Variants in TMEM107 observed in about 807,000 individuals in gnomAD.
TMEM107 encodes transmembrane protein 107.
TMEM107 carries 18 observed loss-of-function variants against 16.8 expected under a neutral mutation model. That is an observed-to-expected ratio of 1.07 (90% confidence interval 0.74 to 1.59). TMEM107 has a LOEUF of 1.59. Among genes scored for constraint, TMEM107 ranks in the 40% most tolerant of loss-of-function variants. The pLI is 0.00. For missense variants in TMEM107, 152 were observed against 175.4 expected (o/e 0.87, Z 0.75); for synonymous variants, 68 against 71.6 (o/e 0.95, Z 0.25).
In TMEM107 at chr17:8,173,515, C is replaced by T. The variant is rs372721948; in HGVS notation, c.*688G>A. The T allele has an allele frequency of 5.0e-5, 38 of 765,248 alleles. No individual in the cohort carries two copies. The highest frequency in any genetic ancestry group is 2.3e-4 in the Middle Eastern group (1 of 4,382). 47.4% of individuals were successfully genotyped at this position (765,248 alleles called of 1,614,324 possible). A position where few individuals can be genotyped will look rare whatever the true frequency, so the allele number is the denominator to read the frequency against. On this transcript the variant is annotated 3_prime_UTR_variant, in exon 5 of 5. Coordinates refer to ENST00000437139, the MANE Select transcript of TMEM107 (RefSeq NM_183065.4). ...TTACGCAGAGACGTTAATCACGTTT[C>T]ATGCATCTCCAATCATCATGTTCTA... is the stretch of plus-strand genomic sequence containing the variant.
chr17:8,173,470 C>CA lies in TMEM107; in HGVS notation c.*732dup, dbSNP rs1567550059. 1 of 764,528 alleles carries CA rather than the reference C, an allele frequency of 1.3e-6. No homozygotes were observed. Among genetic ancestry groups the CA allele is most frequent in the Non-Finnish European group, 2.4e-6 (1 of 417,872 alleles). The allele number at this position is 764,528 out of a possible 1,614,324, so 47.4% of individuals were successfully genotyped here. A position where few individuals can be genotyped will look rare whatever the true frequency, so the allele number is the denominator to read the frequency against. On this transcript the variant is annotated 3_prime_UTR_variant, in exon 5 of 5. Transcript: ENST00000437139. Reference sequence around the variant, plus strand: ...TCAGAAAGAATCAGACAGGAGCAATCAGGGTGTTGCAAGTCCTGATTACGC... The same window carrying CA: ...TCAGAAAGAATCAGACAGGAGCAATCAAGGGTGTTGCAAGTCCTGATTACGC...
Position 8,174,110 on chromosome 17 carries a change from G to T in TMEM107, c.*93C>A, listed in dbSNP as rs1983926998. 2 of 1,119,590 alleles carry T rather than the reference G, an allele frequency of 1.8e-6. No homozygotes were observed. Among genetic ancestry groups the T allele is most frequent in the Admixed American group, 1.8e-5 (1 of 56,422 alleles). 69.4% of individuals were successfully genotyped at this position (1,119,590 alleles called of 1,614,324 possible). A position where few individuals can be genotyped will look rare whatever the true frequency, so the allele number is the denominator to read the frequency against. The stretch of plus-strand genomic sequence containing the variant: ...CCTCCAGCAGAAGCAGTTTCCGAGG[G>T]GAAAACCGAAGCCTATGCCTTCCTT... On this transcript the variant is annotated 3_prime_UTR_variant, in exon 5 of 5. Coordinates refer to ENST00000437139, the MANE Select transcript of TMEM107 (RefSeq NM_183065.4).
chr17:8,174,496 C>G (rs1983965997), intron 4 of TMEM107, 24 bp downstream of exon 4: 1 of 1,610,462 alleles, frequency 6.2e-7, no homozygotes, highest in Non-Finnish European at 8.5e-7. Context: ...CTCCCTCATC[C>G]CCAAATATTG....
At position 8,173,466 on chromosome 17, in the gene TMEM107, C is replaced by CA; in HGVS notation, c.*736dup. The stretch of plus-strand genomic sequence containing the variant: ...ATCGTCAGAAAGAATCAGACAGGAG[C>CA]AATCAGGGTGTTGCAAGTCCTGATT... On this transcript the variant is annotated 3_prime_UTR_variant, in exon 5 of 5. Coordinates refer to ENST00000437139, the MANE Select transcript of TMEM107 (RefSeq NM_183065.4). 1.3e-6 allele frequency: 1 copy of CA among 764,296 alleles called. No individual in the cohort carries two copies. The highest frequency in any genetic ancestry group is 2.4e-6 in the Non-Finnish European group (1 of 417,788). 47.3% of individuals were successfully genotyped at this position (764,296 alleles called of 1,614,324 possible).
chr17:8,173,014 A>C lies in TMEM107; in HGVS notation c.*1189T>G, dbSNP rs554624950. Among the ~76,000 whole-genome samples the C allele has an allele frequency of 6.6e-6, 1 of 152,108 alleles. No individual in the cohort carries two copies. The highest frequency in any genetic ancestry group is 2.4e-5 in the African/African-American group (1 of 41,508). ...TGTACTGGTAGATTTTTAACAACCAACTCTCCAAAAACAAATGTATCCATG... is the reference window on the plus strand; with the variant it reads ...TGTACTGGTAGATTTTTAACAACCACCTCTCCAAAAACAAATGTATCCATG... On this transcript the variant is annotated 3_prime_UTR_variant, in exon 5 of 5. Coordinates refer to ENST00000437139, the MANE Select transcript of TMEM107 (RefSeq NM_183065.4).
Position 8,173,649 on chromosome 17 carries a change from G to C in TMEM107, c.*554C>G, listed in dbSNP as rs193049507. 23 of 726,088 alleles carry C rather than the reference G, an allele frequency of 3.2e-5. No homozygotes were observed. The highest frequency in any genetic ancestry group is 5.0e-5 in the East Asian group (2 of 40,142). 45.0% of individuals were successfully genotyped at this position (726,088 alleles called of 1,614,324 possible). A position where few individuals can be genotyped will look rare whatever the true frequency, so the allele number is the denominator to read the frequency against. On this transcript the variant is annotated 3_prime_UTR_variant, in exon 5 of 5. Transcript: ENST00000437139. ...AAGATTCCGTTACAAGCTAGGGTGA[G>C]TTCATAACGCGCTGGTATGAGCAAT... is the stretch of plus-strand genomic sequence containing the variant.
Position 8,173,591 on chromosome 17 carries a change from A to AT in TMEM107, c.*611_*612insA. 1 of 763,678 alleles carries AT rather than the reference A, an allele frequency of 1.3e-6. No homozygotes were observed. Among genetic ancestry groups the AT allele is most frequent in the Non-Finnish European group, 2.4e-6 (1 of 416,892 alleles). The allele number at this position is 763,678 out of a possible 1,614,324, so 47.3% of individuals were successfully genotyped here. Reference sequence around the variant, plus strand: ...TAAGGATTATCCCACCTGACGATACAGACAAACAGCCGACATTCTGCACTC... The same window carrying AT: ...TAAGGATTATCCCACCTGACGATACATGACAAACAGCCGACATTCTGCACTC... On this transcript the variant is annotated 3_prime_UTR_variant, in exon 5 of 5. Coordinates refer to ENST00000437139, the MANE Select transcript of TMEM107 (RefSeq NM_183065.4).
rs1307350443 is a variant in TMEM107 at position 8,174,036 on chromosome 17, T to C, written c.*167A>G. 1 of 633,414 alleles carries C rather than the reference T, an allele frequency of 1.6e-6. No homozygotes were observed. Among genetic ancestry groups the C allele is most frequent in the Non-Finnish European group, 2.9e-6 (1 of 350,798 alleles). 39.2% of individuals were successfully genotyped at this position (633,414 alleles called of 1,614,324 possible). A position where few individuals can be genotyped will look rare whatever the true frequency, so the allele number is the denominator to read the frequency against. On this transcript the variant is annotated 3_prime_UTR_variant, in exon 5 of 5. Coordinates refer to ENST00000437139, the MANE Select transcript of TMEM107 (RefSeq NM_183065.4). ...ACATATTTTATTACAAAGCACTAAA[T>C]ACAATGCGGATAATCCCAGACTCAA... is the stretch of plus-strand genomic sequence containing the variant.
chr17:8,173,295 A>C lies in TMEM107; in HGVS notation c.*908T>G. 1.9e-6 allele frequency: 1 copy of C among 535,198 alleles called. No homozygotes were observed. The highest frequency in any genetic ancestry group is 2.8e-5 in the East Asian group (1 of 35,110). The allele number at this position is 535,198 out of a possible 1,614,324, so 33.2% of individuals were successfully genotyped here. A position where few individuals can be genotyped will look rare whatever the true frequency, so the allele number is the denominator to read the frequency against. ...CAACAAAAACCAAATCACAATTTTC[A>C]AGAACAAACAAATTTAGCAAGACTG... On this transcript the variant is annotated 3_prime_UTR_variant, in exon 5 of 5. Transcript: ENST00000437139.
rs769296117 is a variant in TMEM107, at chr17:8,173,285, C to A, written c.*918G>T. Reference sequence around the variant, plus strand: ...TTCCAGAAAGCAACAAAAACCAAATCACAATTTTCAAGAACAAACAAATTT... The same window carrying A: ...TTCCAGAAAGCAACAAAAACCAAATAACAATTTTCAAGAACAAACAAATTT... On this transcript the variant is annotated 3_prime_UTR_variant, in exon 5 of 5. Transcript: ENST00000437139. 3.8e-6 allele frequency: 2 copies of A among 531,836 alleles called. No individual in the cohort carries two copies. The highest frequency in any genetic ancestry group is 1.9e-5 in the African/African-American group (1 of 52,402). The allele number at this position is 531,836 out of a possible 1,614,324, so 32.9% of individuals were successfully genotyped here.
Position 8,173,299 on chromosome 17 carries a change from A to G in TMEM107, c.*904T>C, listed in dbSNP as rs955986465. 2.3e-5 allele frequency: 12 copies of G among 530,290 alleles called. No individual in the cohort carries two copies. Among genetic ancestry groups the G allele is most frequent in the African/African-American group, 1.3e-4 (6 of 47,428 alleles). 32.8% of individuals were successfully genotyped at this position (530,290 alleles called of 1,614,324 possible). A position where few individuals can be genotyped will look rare whatever the true frequency, so the allele number is the denominator to read the frequency against. ...AAAAACCAAATCACAATTTTCAAGA[A>G]CAAACAAATTTAGCAAGACTGCAAA... On this transcript the variant is annotated 3_prime_UTR_variant, in exon 5 of 5. Coordinates refer to ENST00000437139, the MANE Select transcript of TMEM107 (RefSeq NM_183065.4).
In TMEM107 at chr17:8,173,588, T is replaced by A. The variant is rs532883630; in HGVS notation, c.*615A>T. ...AGGTAAGGATTATCCCACCTGACGA[T>A]ACAGACAAACAGCCGACATTCTGCA... is the stretch of plus-strand genomic sequence containing the variant. On this transcript the variant is annotated 3_prime_UTR_variant, in exon 5 of 5. Transcript: ENST00000437139. 4 of 763,864 alleles carry A rather than the reference T, an allele frequency of 5.2e-6. No individual in the cohort carries two copies. The highest frequency in any genetic ancestry group is 1.3e-5 in the South Asian group (1 of 74,430). 47.3% of individuals were successfully genotyped at this position (763,864 alleles called of 1,614,324 possible).
rs190182110 is a variant in TMEM107, at chr17:8,173,472, G to C, written c.*731C>G. 69 of 764,520 alleles carry C rather than the reference G, an allele frequency of 9.0e-5. No homozygotes were observed. Among genetic ancestry groups the C allele is most frequent in the Non-Finnish European group, 1.1e-4 (48 of 417,936 alleles). The allele number at this position is 764,520 out of a possible 1,614,324, so 47.4% of individuals were successfully genotyped here. Reference sequence around the variant, plus strand: ...AGAAAGAATCAGACAGGAGCAATCAGGGTGTTGCAAGTCCTGATTACGCAG... The same window carrying C: ...AGAAAGAATCAGACAGGAGCAATCACGGTGTTGCAAGTCCTGATTACGCAG... On this transcript the variant is annotated 3_prime_UTR_variant, in exon 5 of 5. Transcript: ENST00000437139.
In TMEM107 at chr17:8,173,211, T is replaced by C. The variant is rs1436521182; in HGVS notation, c.*992A>G. The C allele has an allele frequency of 7.1e-6, 3 of 422,674 alleles. No homozygotes were observed. The highest frequency in any genetic ancestry group is 5.9e-5 in the South Asian group (2 of 34,058). 26.2% of individuals were successfully genotyped at this position (422,674 alleles called of 1,614,324 possible). A position where few individuals can be genotyped will look rare whatever the true frequency, so the allele number is the denominator to read the frequency against. ...TCCTGAGAAGTGAGGATTAAAGTTA[T>C]CAAACGACAAAAAACAAAGAGCCCA... On this transcript the variant is annotated 3_prime_UTR_variant, in exon 5 of 5. Transcript: ENST00000437139.
chr17:8,176,112 A>C (rs1402301958), intron 1 of TMEM107, 86 bp from the exon 2 acceptor site: 1 of 1,603,356 alleles, frequency 6.2e-7, no homozygotes, highest in East Asian at 2.2e-5. Context: ...AAAACCCAAG[A>C]GGGTAAGACA....
chr17:8,174,288 G>A lies in TMEM107; in HGVS notation c.354-16C>T, dbSNP rs2151448984. The A allele has an allele frequency of 6.2e-7, 1 of 1,611,752 alleles. No individual in the cohort carries two copies. The highest frequency in any genetic ancestry group is 2.2e-5 in the East Asian group (1 of 44,870). ...TGGAAGGGCACTACCAAGGCAAGTG[G>A]TAGATTCAGAAACCCTTTCAGTATA... On this transcript the variant is annotated splice_polypyrimidine_tract_variant and intron_variant, in intron 4 of 4. Transcript: ENST00000437139.
chr17:8,173,983 T>C lies in TMEM107; in HGVS notation c.*220A>G, dbSNP rs899559606. On this transcript the variant is annotated 3_prime_UTR_variant, in exon 5 of 5. Transcript: ENST00000437139. The stretch of plus-strand genomic sequence containing the variant: ...AGCCATCTCAATTGTCCCCTAAAAC[T>C]GTATATAAGTCTTAATGTTACTACA... 1.3e-5 allele frequency: 7 copies of C among 545,406 alleles called. No individual in the cohort carries two copies. The African/African-American group carries it at 1.3e-4, about 10-fold the overall frequency. The allele number at this position is 545,406 out of a possible 1,614,324, so 33.8% of individuals were successfully genotyped here.
Position 8,173,290 on chromosome 17 carries a change from T to A in TMEM107, c.*913A>T, listed in dbSNP as rs1983713152. 1 of 537,012 alleles carries A rather than the reference T, an allele frequency of 1.9e-6. No homozygotes were observed. The highest frequency in any genetic ancestry group is 3.3e-6 in the Non-Finnish European group (1 of 299,634). 33.3% of individuals were successfully genotyped at this position (537,012 alleles called of 1,614,324 possible). ...GAAAGCAACAAAAACCAAATCACAATTTTCAAGAACAAACAAATTTAGCAA... is the reference window on the plus strand; with the variant it reads ...GAAAGCAACAAAAACCAAATCACAAATTTCAAGAACAAACAAATTTAGCAA... On this transcript the variant is annotated 3_prime_UTR_variant, in exon 5 of 5. Transcript: ENST00000437139.
In TMEM107 at chr17:8,173,489, A is replaced by C. The variant is rs757122064; in HGVS notation, c.*714T>G. 5.2e-6 allele frequency: 4 copies of C among 765,142 alleles called. No individual in the cohort carries two copies. Among genetic ancestry groups the C allele is most frequent in the South Asian group, 1.3e-5 (1 of 74,572 alleles). 47.4% of individuals were successfully genotyped at this position (765,142 alleles called of 1,614,324 possible). On this transcript the variant is annotated 3_prime_UTR_variant, in exon 5 of 5. Transcript: ENST00000437139. The stretch of plus-strand genomic sequence containing the variant: ...AGCAATCAGGGTGTTGCAAGTCCTG[A>C]TTACGCAGAGACGTTAATCACGTTT...
Sources: allele counts gnomAD v4.1 joint callset (sites outside exome capture counted in the v4.1 genomes callset), GRCh38; gene constraint gnomAD v4.1.1; transcripts MANE v1.5; gene names NCBI Gene and HGNC (gene_info 2026-07-23, HGNC 2026-07-21).